Variants in VAT1 observed in about 807,000 individuals in gnomAD.
VAT1 encodes vesicle amine transport 1, also known as NADPH-dependent quinone oxidoreductase VAT1.
A neutral mutation model predicts 33.3 loss-of-function variants in VAT1; 24 were observed. The ratio of observed to expected loss-of-function variants is 0.72; its 90% CI spans 0.52 to 1.01. VAT1 has a LOEUF of 1.01. VAT1 is among the 50% of genes least tolerant of loss of function. The probability of loss-of-function intolerance (pLI) is 0.00; values close to 1 mark genes in which losing one functional copy is unlikely to be tolerated. For synonymous variants in VAT1, 212 were observed against 225.0 expected (o/e 0.94, Z 0.52); for missense variants, 436 against 533.7 (o/e 0.82, Z 1.80).
chr17:43,015,553 T>C lies in VAT1; in HGVS notation c.*508A>G, dbSNP rs1319755098. 3 of 160,146 alleles carry C rather than the reference T, an allele frequency of 1.9e-5. No individual in the cohort carries two copies. The highest frequency in any genetic ancestry group is 2.8e-5 in the Non-Finnish European group (2 of 72,422). 9.9% of individuals were successfully genotyped at this position (160,146 alleles called of 1,614,324 possible). Reference sequence around the variant, plus strand: ...AAGAAGTTGGGGACAGAGGACGAGATTGGGAACTGGTCAAGCCCAGAGGCG... The same window carrying C: ...AAGAAGTTGGGGACAGAGGACGAGACTGGGAACTGGTCAAGCCCAGAGGCG... On this transcript the variant is annotated 3_prime_UTR_variant, in exon 6 of 6. Transcript: ENST00000355653.
Position 43,018,034 on chromosome 17 carries a change from A to G in VAT1, c.766+2T>C. 1 of 1,586,622 alleles carries G rather than the reference A, an allele frequency of 6.3e-7. No individual in the cohort carries two copies. Among genetic ancestry groups the G allele is most frequent in the Non-Finnish European group, 8.6e-7 (1 of 1,165,856 alleles). ...TACCCCCTCCCATATTATGCCCCCC[A>G]CCTTTAGGGGAAATCTTCTTGATCT... On this transcript the variant is annotated splice_donor_variant, in intron 3 of 5. Transcript: ENST00000355653. LOFTEE classifies it high-confidence loss of function.
chr17:43,018,296 C>T, intron 2 of VAT1, 90 bp from the exon 3 acceptor site: 1 of 1,437,232 alleles, frequency 7.0e-7, no homozygotes, highest in Non-Finnish European at 9.4e-7. Flanking sequence ...AGCCTGTCAC[C>T]TTCATTTTGC....
chr17:43,021,364 C>T (rs1032389772), intron 1 of VAT1, among the ~76,000 whole-genome samples: 2 of 152,176 alleles, frequency 1.3e-5, no homozygotes, highest in African/African-American at 4.8e-5. Flanking sequence ...GGCTCTCTCT[C>T]CTCCGTGATG....
chr17:43,016,694 C>T, intron 4 of VAT1, 146 bp from the exon 5 acceptor site: 1 of 1,334,836 alleles, frequency 7.5e-7, no homozygotes, highest in South Asian at 1.4e-5. Flanking sequence ...CTGCTGGTTA[C>T]CAGGCCCAAA....
At chr17:43,021,534 C>G (rs1353655999) in intron 1 of VAT1, among the ~76,000 whole-genome samples, 3 of 147,914 alleles carry the variant, frequency 2.0e-5, no homozygotes, top group Non-Finnish European at 3.0e-5. Context: ...GGGGCACTAA[C>G]CGTCACTCAT....
chr17:43,019,045 C>T (rs1040345716), intron 1 of VAT1: 9 of 549,316 alleles, frequency 1.6e-5, no homozygotes, highest in Admixed American at 9.6e-5. Flanking sequence ...TTAACCCTTA[C>T]ATCAGTTCTT....
chr17:43,018,789 C>G lies in VAT1; in HGVS notation c.398G>C (p.Arg133Pro). 5 of 1,614,146 alleles carry G rather than the reference C, an allele frequency of 3.1e-6. No individual in the cohort carries two copies. Among genetic ancestry groups the G allele is most frequent in the East Asian group, 2.2e-5 (1 of 44,888 alleles). ...EGVSDRKAGD[R>P]VMVLNRSGMW... ...CCCTGACCGGTTCAACACCATCACC[C>G]GGTCTCCTGCCTTGAAGAACAGAAG... is the stretch of plus-strand genomic sequence containing the variant. Residue 133 changes from arginine (R) to proline (P), a missense_variant, in exon 2 of 6, where the codon CGG becomes CCG. Arg to Pro is a moderately radical substitution (Grantham distance 103, BLOSUM62 -2). Coordinates refer to ENST00000355653, the MANE Select transcript of VAT1 (RefSeq NM_006373.4).
rs1047653221 is a variant in VAT1, at chr17:43,015,749, G to C, written c.*312C>G. 1.3e-5 allele frequency: 6 copies of C among 446,466 alleles called. No homozygotes were observed. The highest frequency in any genetic ancestry group is 2.5e-5 in the Non-Finnish European group (6 of 244,452). The allele number at this position is 446,466 out of a possible 1,614,324, so 27.7% of individuals were successfully genotyped here. The stretch of plus-strand genomic sequence containing the variant: ...TGAAAGCACATGGAACACAACAGGG[G>C]GGACTGGCTAACCTTGGCACAAAAG... On this transcript the variant is annotated 3_prime_UTR_variant, in exon 6 of 6. Coordinates refer to ENST00000355653, the MANE Select transcript of VAT1 (RefSeq NM_006373.4).
At chr17:43,021,673 T>C (rs1025110686) in intron 1 of VAT1, among the ~76,000 whole-genome samples, 8 of 151,626 alleles carry the variant, frequency 5.3e-5, no homozygotes, top group Admixed American at 1.3e-4. Flanking sequence ...CCTTATTGTT[T>C]TCCCCCCCAC....
chr17:43,021,622 G>T (rs1287964446), intron 1 of VAT1, among the ~76,000 whole-genome samples: 2 of 115,222 alleles, frequency 1.7e-5, no homozygotes, highest in Non-Finnish European at 3.8e-5. Flanking sequence ...GGGGGGGGGG[G>T]GGTGGGGACG....
At chr17:43,021,915 T>G in intron 1 of VAT1, 21 bp downstream of exon 1, 1 of 1,609,502 alleles carries the variant, frequency 6.2e-7, no homozygotes, top group Non-Finnish European at 8.5e-7. Flanking sequence ...AGCCCTGCCC[T>G]GCCCTACGCA....
intron 5 of VAT1, 25 bp downstream of exon 5, chr17:43,016,282 C>T (rs776530479): frequency 6.2e-7 from 1 of 1,606,970 alleles, no homozygotes. Flanking sequence ...TACCCAAGCC[C>T]TCCCTGCAAA....
At chr17:43,020,706 A>G (rs867270910) in intron 1 of VAT1, among the ~76,000 whole-genome samples, 2 of 151,928 alleles carry the variant, frequency 1.3e-5, no homozygotes, top group African/African-American at 2.4e-5. Flanking sequence ...GGAGAAACCC[A>G]TCTCTACTAA....
chr17:43,021,021 GAGA>G (rs2050562567), intron 1 of VAT1, among the ~76,000 whole-genome samples: 3 of 152,156 alleles, frequency 2.0e-5, no homozygotes, highest in South Asian at 2.1e-4. Context: ...AATGATAAAT[GAGA>G]AGGAGAAACA....
chr17:43,016,424 G>A lies in VAT1; in HGVS notation c.981C>T (p.His327=). The stretch of plus-strand genomic sequence containing the variant: ...CCACCTCACCATCCAGGTAGCCCAG[G>A]TGGAAGCCACACACAGCCCGGTTGG... ...LQANRAVCGF[H]LGYLDGEVEL... Residue 327 remains histidine, a synonymous_variant, in exon 5 of 6, where the codon CAC becomes CAT. Coordinates refer to ENST00000355653, the MANE Select transcript of VAT1 (RefSeq NM_006373.4). 6.2e-7 allele frequency: 1 copy of A among 1,614,146 alleles called. No homozygotes were observed. Among genetic ancestry groups the A allele is most frequent in the African/African-American group, 1.3e-5 (1 of 75,044 alleles).
Position 43,021,935 on chromosome 17 carries a change from C to G in VAT1, c.387+1G>C. 1 of 1,610,490 alleles carries G rather than the reference C, an allele frequency of 6.2e-7. No homozygotes were observed. The highest frequency in any genetic ancestry group is 8.5e-7 in the Non-Finnish European group (1 of 1,179,646). ...TGCCCTGCCCTACGCAACCCGCTCA[C>G]CTTGCGGTCGCTGACTCCCTCGCCC... is the stretch of plus-strand genomic sequence containing the variant. On this transcript the variant is annotated splice_donor_variant, in intron 1 of 5. Transcript: ENST00000355653. LOFTEE classifies it high-confidence loss of function.
In VAT1 at chr17:43,018,677, G is replaced by T; in HGVS notation, c.510C>A (p.Leu170=). ...AMTFEEAAAL[L]VNYITAYMVL... is the part of the protein sequence containing the mutation. ...CCATGTAGGCTGTAATGTAATTGAC[G>T]AGCAAGGCAGCAGCTTCCTCAAAGG... Residue 170 remains leucine (L), a synonymous_variant, in exon 2 of 6, where the codon CTC becomes CTA. Coordinates refer to ENST00000355653, the MANE Select transcript of VAT1 (RefSeq NM_006373.4). 6.2e-7 allele frequency: 1 copy of T among 1,614,128 alleles called. No individual in the cohort carries two copies.
intron 1 of VAT1, among the ~76,000 whole-genome samples, chr17:43,021,616 G>GA (rs1567747672): frequency 1.5e-5 from 2 of 135,112 alleles, no homozygotes; most frequent in Non-Finnish European, 3.3e-5. Flanking sequence ...TGGGGGGGGG[G>GA]GGGGGGGGTG....
chr17:43,019,927 C>A (rs1257313180), intron 1 of VAT1, among the ~76,000 whole-genome samples: 1 of 152,016 alleles, frequency 6.6e-6, no homozygotes, highest in Non-Finnish European at 1.5e-5. Flanking sequence ...GTCCTCAAGC[C>A]CCCACACTCC....
Sources: gnomAD v4.1 joint callset for allele counts (sites outside exome capture counted in the v4.1 genomes callset) on GRCh38, gnomAD v4.1.1 for gene constraint, MANE v1.5 for transcripts, NCBI Gene and HGNC (gene_info 2026-07-23, HGNC 2026-07-21) for gene names.